The following CARD9 variants were observed in gnomAD, a reference collection of about 807,000 sequenced individuals.
CARD9 encodes the protein caspase recruitment domain family member 9.
A neutral mutation model predicts 66.0 loss-of-function variants in CARD9; 53 were observed. The observed-to-expected ratio is 0.80, with a 90% confidence interval of 0.64 to 1.01. The LOEUF (loss-of-function observed/expected upper bound fraction) is 1.01. CARD9 is among the 50% of genes least tolerant of loss of function. The pLI, the probability that CARD9 is intolerant of heterozygous loss-of-function variation, is 0.00. For missense variants in CARD9, 769 were observed against 743.2 expected (o/e 1.03, Z -0.40); for synonymous variants, 387 against 313.8 (o/e 1.23, Z -2.47).
Position 136,364,315 on chromosome 9 carries a change from G to C in CARD9, c.1598C>G (p.Thr533Ser). The C allele has an allele frequency of 6.4e-7, 1 of 1,559,894 alleles. No homozygotes were observed. Among genetic ancestry groups the C allele is most frequent in the Non-Finnish European group, 8.7e-7 (1 of 1,152,530 alleles). The change falls in exon 13 of 13, where the codon ACT becomes AGT. Residue 533 changes from threonine (T) to serine (S), a missense_variant. Transcript: ENST00000371732. Reference protein sequence around the residue: ...ENTTGSDNTDTEGS With the variant: ...ENTTGSDNTDSEGS Reference sequence around the variant, plus strand: ...GCGCTGCTGCGGCTAGGAGCCCTCAGTGTCGGTGTTGTCGCTGCCCGTGGT... The same window carrying C: ...GCGCTGCTGCGGCTAGGAGCCCTCACTGTCGGTGTTGTCGCTGCCCGTGGT...
In CARD9 at chr9:136,369,739, C is replaced by T. The variant is rs763912665; in HGVS notation, c.1077+11G>A. 25 of 1,587,382 alleles carry T rather than the reference C, an allele frequency of 1.6e-5. No homozygotes were observed. Among genetic ancestry groups the T allele is most frequent in the South Asian group, 2.3e-5 (2 of 88,800 alleles). The stretch of plus-strand genomic sequence containing the variant: ...AGTGGGGTGCTTTGTCCTGCCCCTG[C>T]GAGTGCCCACCTGGTCCCGCTCAAT... On this transcript the variant is annotated intron_variant, in intron 7 of 12. Transcript: ENST00000371732.
rs764093590 is a variant in CARD9, at chr9:136,367,758, T to A, written c.1148A>T (p.Lys383Met). Residue 383 changes from lysine (K) to methionine (M), a missense_variant, in exon 8 of 13, where the codon AAG (lysine) becomes ATG (methionine). Coordinates refer to ENST00000371732, the MANE Select transcript of CARD9 (RefSeq NM_052813.5). Reference sequence around the variant, plus strand: ...CTTCTCGCCCAGCTCCCGCACCTGCTTGCGCAGCGCGTCCTTCTCCTGCAG... The same window carrying A: ...CTTCTCGCCCAGCTCCCGCACCTGCATGCGCAGCGCGTCCTTCTCCTGCAG... The part of the protein sequence containing the change: ...RGLQEKDALR[K>M]QVRELGEKAD... 6.2e-7 allele frequency: 1 copy of A among 1,605,216 alleles called. No homozygotes were observed. Among genetic ancestry groups the A allele is most frequent in the Non-Finnish European group, 8.5e-7 (1 of 1,179,584 alleles).
At position 136,368,063 on chromosome 9, in the gene CARD9, C is replaced by T. The variant is rs570757598; in HGVS notation, c.1078-235G>A. 1.6e-4 allele frequency: 216 copies of T among 1,392,000 alleles called. No individual in the cohort carries two copies. In the African/African-American group the frequency reaches 2.2e-3, roughly 14 times the overall value. 86.2% of individuals were successfully genotyped at this position (1,392,000 alleles called of 1,614,324 possible). A position where few individuals can be genotyped will look rare whatever the true frequency, so the allele number is the denominator to read the frequency against. On this transcript the variant is annotated intron_variant, in intron 7 of 12. Transcript: ENST00000371732. ...CTGTCTCCTCCCAAGCCTGCACCCCCGGTGGACACAGCGTGTGCTATGTAC... is the reference window on the plus strand; with the variant it reads ...CTGTCTCCTCCCAAGCCTGCACCCCTGGTGGACACAGCGTGTGCTATGTAC...
chr9:136,364,650 A>G, intron 11 of CARD9, 91 bp from the exon 12 acceptor site: 2 of 1,319,054 alleles, frequency 1.5e-6, no homozygotes, highest in South Asian at 2.8e-5. Flanking sequence ...GTAACTGCAG[A>G]CTGGTTGGGA....
chr9:136,370,403 T>G lies in CARD9; in HGVS notation c.842A>C (p.Gln281Pro), dbSNP rs1191571837. 6.2e-7 allele frequency: 1 copy of G among 1,611,272 alleles called. No homozygotes were observed. Among genetic ancestry groups the G allele is most frequent in the South Asian group, 1.1e-5 (1 of 90,690 alleles). ...GKLDRSSPYI[Q>P]VLEEDWRQAL... ...CTGCCGCCAGTCCTCCTCCAGTACC[T>G]GGATGTAGGGGCTGCTCCTGTCCAG... Residue 281 changes from glutamine (Q) to proline (P), a missense_variant, in exon 6 of 13, where the codon CAG (glutamine) becomes CCG (proline). Gln to Pro is a moderately conservative substitution (Grantham distance 76). Transcript: ENST00000371732.
Position 136,367,640 on chromosome 9 carries a change from G to A in CARD9, c.1266C>T (p.Val422=). The A allele has an allele frequency of 6.3e-6, 10 of 1,584,226 alleles. No individual in the cohort carries two copies. The highest frequency in any genetic ancestry group is 8.5e-6 in the Non-Finnish European group (10 of 1,171,840). Residue 422 remains valine (V), a synonymous_variant, in exon 8 of 13, where the codon GTC becomes GTT. Coordinates refer to ENST00000371732, the MANE Select transcript of CARD9 (RefSeq NM_052813.5). Reference sequence around the variant, plus strand: ...CTGCCGCAGGCCCCAGGCCCACCAGGACGAGCGTCTCCAGCTGCTGCCGCC... The same window carrying A: ...CTGCCGCAGGCCCCAGGCCCACCAGAACGAGCGTCTCCAGCTGCTGCCGCC... The part of the protein sequence containing the change: ...RLRRQQLETL[V]LSSDLEDGSP...
At chr9:136,366,019 G>C (rs117452808) in intron 10 of CARD9, 1 of 152,578 alleles carries the variant, frequency 6.6e-6, no homozygotes, top group Non-Finnish European at 1.5e-5. Context: ...CCCGTCTGCG[G>C]CTCCTCCTTC....
At chr9:136,365,371 T>C (rs1424091454) in intron 10 of CARD9, 154 bp from the exon 11 acceptor site, 1 of 699,330 alleles carries the variant, frequency 1.4e-6, no homozygotes, top group Admixed American at 2.2e-5. Flanking sequence ...TTTCTGTAGA[T>C]GAGACTGAGG....
In CARD9 at chr9:136,366,790, C is replaced by G; in HGVS notation, c.1357+10G>C. On this transcript the variant is annotated intron_variant, in intron 10 of 12. Transcript: ENST00000371732. ...GGAGGCCTCTGGGTGTACTGCTGTC[C>G]CCACCTCACCTTTGTCTGAGAGCTG... 9 of 1,612,998 alleles carry G rather than the reference C, an allele frequency of 5.6e-6. No individual in the cohort carries two copies. Among genetic ancestry groups the G allele is most frequent in the Non-Finnish European group, 6.8e-6 (8 of 1,179,870 alleles).
At position 136,371,430 on chromosome 9, in the gene CARD9, G is replaced by A. The variant is rs372360475; in HGVS notation, c.216C>T (p.Gly72=). 14 of 1,583,452 alleles carry A rather than the reference G, an allele frequency of 8.8e-6. No homozygotes were observed. Among genetic ancestry groups the A allele is most frequent in the South Asian group, 2.3e-5 (2 of 87,342 alleles). ...GVLLDILQRT[G]HKGYVAFLES... is the part of the protein sequence containing the mutation. ...CGAGGAAGGCCACGTAGCCCTTGTG[G>A]CCGGTCCGCTGCAGGATGTCCAGGA... Residue 72 remains glycine, a synonymous_variant, in exon 3 of 13, where the codon GGC becomes GGT. Transcript: ENST00000371732.
chr9:136,372,065 T>A lies in CARD9; in HGVS notation c.14A>T (p.Glu5Val). The A allele has an allele frequency of 6.2e-7, 1 of 1,612,682 alleles. No homozygotes were observed. The highest frequency in any genetic ancestry group is 8.5e-7 in the Non-Finnish European group (1 of 1,179,970). The change falls in exon 2 of 13, where the codon GAG becomes GTG. Residue 5 changes from glutamate to valine, a missense_variant. Glu to Val is a moderately radical substitution (Grantham distance 121). Coordinates refer to ENST00000371732, the MANE Select transcript of CARD9 (RefSeq NM_052813.5). Reference protein sequence around the residue: MSDYENDDECWSVLE... With the variant: MSDYVNDDECWSVLE... ...GACGCTCCAGCACTCGTCATCGTTCTCGTAGTCCGACATGGCCTCAGCAGG... is the reference window on the plus strand; with the variant it reads ...GACGCTCCAGCACTCGTCATCGTTCACGTAGTCCGACATGGCCTCAGCAGG...
intron 10 of CARD9, 34 bp from the exon 11 acceptor site, chr9:136,365,251 C>T (rs766436606): frequency 6.9e-6 from 11 of 1,599,612 alleles, no homozygotes; most frequent in Admixed American, 1.7e-5. Context: ...GGGACCTGCC[C>T]ATCTGCTGGG....
At chr9:136,372,482 G>C (rs1032616356) in intron 1 of CARD9, among the ~76,000 whole-genome samples, 5 of 152,232 alleles carry the variant, frequency 3.3e-5, no homozygotes, top group African/African-American at 4.8e-5. Flanking sequence ...TCACGCCCTG[G>C]AGCCTGCAAG....
intron 1 of CARD9, 143 bp downstream of exon 1, chr9:136,373,389 G>C: frequency 7.4e-6 from 4 of 543,428 alleles, no homozygotes; most frequent in Non-Finnish European, 9.4e-6. Context: ...CAGGGGCCGT[G>C]AAAGGGACGG....
chr9:136,365,026 C>T (rs1176029046), intron 11 of CARD9, 115 bp downstream of exon 11: 1 of 973,586 alleles, frequency 1.0e-6, no homozygotes, highest in Non-Finnish European at 1.6e-6. Context: ...TGTGGTCACT[C>T]CTCAGCTGTC....
intron 7 of CARD9, among the ~76,000 whole-genome samples, 194 bp downstream of exon 7, chr9:136,369,556 G>C (rs1488046033): frequency 6.6e-6 from 1 of 152,150 alleles, no homozygotes; most frequent in Non-Finnish European, 1.5e-5. Flanking sequence ...TGCAATCCCA[G>C]CACTTTGGGA....
At chr9:136,371,526 G>GCC in intron 2 of CARD9, 65 bp from the exon 3 acceptor site, 290 of 515,982 alleles carry the variant, frequency 5.6e-4, no homozygotes, top group Non-Finnish European at 9.8e-4. Context: ...GGGTGGGTGG[G>GCC]CCTGGGGGCA....
intron 1 of CARD9, among the ~76,000 whole-genome samples, chr9:136,373,329 C>T (rs2131447739): frequency 6.6e-6 from 1 of 152,374 alleles, no homozygotes; most frequent in East Asian, 1.9e-4. Flanking sequence ...GCTTGAAATG[C>T]AGGGTCCCAT....
rs777535858 is a variant in CARD9, at chr9:136,371,084, C to T, written c.384G>A (p.Lys128=). The change falls in exon 4 of 13, where the codon AAG becomes AAA. Residue 128 remains lysine, a synonymous_variant. Coordinates refer to ENST00000371732, the MANE Select transcript of CARD9 (RefSeq NM_052813.5). ...LLMTEVMKLQ[K]KVQDLTALLS... ...GCAGCGCGGTCAGGTCCTGCACCTT[C>T]TTCTGCAGCTTCATGACCTCAGTCA... The T allele has an allele frequency of 1.2e-5, 20 of 1,612,612 alleles. No individual in the cohort carries two copies. In the South Asian group the frequency reaches 1.6e-4, roughly 13 times the overall value.
Sources: gnomAD v4.1 joint callset for allele counts (sites outside exome capture counted in the v4.1 genomes callset) on GRCh38, gnomAD v4.1.1 for gene constraint, MANE v1.5 for transcripts, NCBI Gene and HGNC (gene_info 2026-07-23, HGNC 2026-07-21) for gene names.